VAV3: variants seen among roughly 807,000 people sequenced by gnomAD.
VAV3 encodes the protein guanine nucleotide exchange factor VAV3.
In VAV3, 94 loss-of-function variants were observed where a neutral mutation model predicts 131.2. The ratio of observed to expected loss-of-function variants is 0.72; its 90% confidence interval spans 0.61 to 0.85. The LOEUF (loss-of-function observed/expected upper bound fraction) is 0.85, where lower values mean the gene tolerates loss of function less well. Among genes scored for constraint, VAV3 ranks in the 40% least tolerant of loss-of-function variants. The pLI, the probability that VAV3 is intolerant of heterozygous loss-of-function variation, is 0.00. For missense variants in VAV3, 939 were observed against 1,002.7 expected (o/e 0.94, Z 0.86); for synonymous variants, 349 against 342.0 (o/e 1.02, Z -0.22).
chr1:107,858,349 C>A (rs1373567131), intron 2 of VAV3, among the ~76,000 whole-genome samples: 1 of 151,822 alleles, frequency 6.6e-6, no homozygotes, highest in African/African-American at 2.4e-5. Context: ...AAAACTATTG[C>A]TTTTGAAATT....
intron 1 of VAV3, among the ~76,000 whole-genome samples, chr1:107,947,902 T>C (rs748775281): frequency 1.3e-4 from 20 of 152,170 alleles, no homozygotes; most frequent in Non-Finnish European, 2.6e-4. Flanking sequence ...GACAAACAAA[T>C]GGTCCCTAAT....
rs1250543549 is a variant in VAV3 at position 107,751,145 on chromosome 1, T to C, written c.1231A>G (p.Thr411Ala). Residue 411 changes from threonine to alanine, a missense_variant, in exon 13 of 27, where the codon ACT becomes GCT. Transcript: ENST00000370056. ...TCTTGTTTGGTATGCTTGTCTAGAG[T>C]GGTTATTCGAATTTCACCATCTCCC... ...PQGDGEIRIT[T>A]LDKHTKQERH... 2 of 1,613,224 alleles carry C rather than the reference T, an allele frequency of 1.2e-6. No homozygotes were observed. The highest frequency in any genetic ancestry group is 8.5e-7 in the Non-Finnish European group (1 of 1,179,734).
intron 2 of VAV3, among the ~76,000 whole-genome samples, chr1:107,859,214 G>T (rs1571054427): frequency 6.6e-6 from 1 of 151,730 alleles, no homozygotes; most frequent in East Asian, 1.9e-4. Context: ...GGGACTACTG[G>T]TGCACACCAC....
chr1:107,881,501 A>G (rs574345052), intron 1 of VAV3, among the ~76,000 whole-genome samples: 4 of 152,322 alleles, frequency 2.6e-5, no homozygotes, highest in African/African-American at 9.6e-5. Context: ...ACTCCCAGTA[A>G]TTAGATGCTG....
intron 2 of VAV3, among the ~76,000 whole-genome samples, chr1:107,821,808 G>A (rs987386604): frequency 1.3e-5 from 2 of 152,204 alleles, no homozygotes; most frequent in African/African-American, 2.4e-5. Context: ...TAACCGAAAT[G>A]CAGGTTTCCT....
At chr1:107,789,582 A>G (rs944833300) in intron 2 of VAV3, among the ~76,000 whole-genome samples, 1 of 152,174 alleles carries the variant, frequency 6.6e-6, no homozygotes, top group African/African-American at 2.4e-5. Context: ...ACACTGCTTG[A>G]AAGTGTTCAT....
chr1:107,841,149 A>C (rs1707215477), intron 2 of VAV3, among the ~76,000 whole-genome samples: 2 of 152,180 alleles, frequency 1.3e-5, no homozygotes, highest in Admixed American at 6.5e-5. Context: ...ATATGGTCTT[A>C]AATTCATTCA....
chr1:107,937,769 TGTA>T (rs1673794762), intron 1 of VAV3, among the ~76,000 whole-genome samples: 1 of 152,222 alleles, frequency 6.6e-6, no homozygotes, highest in African/African-American at 2.4e-5. Context: ...GGTTAAGGCT[TGTA>T]GTCCCAATTA....
intron 25 of VAV3, among the ~76,000 whole-genome samples, chr1:107,585,082 A>G (rs1192287624): frequency 1.3e-5 from 2 of 152,220 alleles, no homozygotes; most frequent in African/African-American, 4.8e-5. Flanking sequence ...TGAGAATGCT[A>G]TGATTAGACT....
intron 22 of VAV3, among the ~76,000 whole-genome samples, chr1:107,606,886 G>A (rs1288507786): frequency 7.0e-6 from 1 of 141,954 alleles, no homozygotes; most frequent in Non-Finnish European, 1.5e-5. Flanking sequence ...ACTTAAGAAG[G>A]ATGCATCCAC....
chr1:107,784,719 A>C (rs922386529), intron 2 of VAV3, among the ~76,000 whole-genome samples: 4 of 152,306 alleles, frequency 2.6e-5, no homozygotes, highest in Non-Finnish European at 5.9e-5. Context: ...CCTAGTTCAC[A>C]GACAGGCTCA....
chr1:107,888,949 C>T (rs1160215157), intron 1 of VAV3, among the ~76,000 whole-genome samples: 1 of 152,150 alleles, frequency 6.6e-6, no homozygotes, highest in African/African-American at 2.4e-5. Flanking sequence ...CTACATTTTA[C>T]AATCGGCGGC....
chr1:107,755,562 G>A (rs370301920), intron 11 of VAV3, 49 bp from the exon 12 acceptor site: 19 of 1,317,398 alleles, frequency 1.4e-5, no homozygotes, highest in Non-Finnish European at 2.1e-5. Context: ...TAAGATTAGA[G>A]ATGCAAACTG....
intron 1 of VAV3, among the ~76,000 whole-genome samples, chr1:107,931,710 T>G (rs1329295319): frequency 6.6e-6 from 1 of 152,202 alleles, no homozygotes; most frequent in African/African-American, 2.4e-5. Flanking sequence ...ACCAGAGAAC[T>G]TAAGTGGTCT....
At chr1:107,646,321 C>A (rs1318676370) in intron 19 of VAV3, among the ~76,000 whole-genome samples, 1 of 151,866 alleles carries the variant, frequency 6.6e-6, no homozygotes. Flanking sequence ...AAATACAGAC[C>A]CAACAATTGT....
intron 20 of VAV3, among the ~76,000 whole-genome samples, chr1:107,631,256 A>G (rs1654456805): frequency 6.6e-6 from 1 of 152,012 alleles, no homozygotes; most frequent in Admixed American, 6.6e-5. Flanking sequence ...TATGAGTATT[A>G]CAATTTTATC....
At chr1:107,840,377 C>T (rs1400640799) in intron 2 of VAV3, among the ~76,000 whole-genome samples, 1 of 152,140 alleles carries the variant, frequency 6.6e-6, no homozygotes, top group African/African-American at 2.4e-5. Flanking sequence ...TGATTGGCAC[C>T]ACTTAAAGAC....
intron 1 of VAV3, among the ~76,000 whole-genome samples, chr1:107,925,195 G>A (rs912818936): frequency 6.6e-6 from 1 of 152,084 alleles, no homozygotes; most frequent in African/African-American, 2.4e-5. Flanking sequence ...TAGCGTTGAC[G>A]GTCAAGATAG....
intron 12 of VAV3, among the ~76,000 whole-genome samples, chr1:107,753,538 A>ATATACATATATATATG (rs1557822128): frequency 1.1e-5 from 1 of 93,148 alleles, no homozygotes; most frequent in African/African-American, 3.8e-5. Context: ...GTATATATAT[A>ATATACATATATATATG]TATATATATA....
Sources: gnomAD v4.1 joint callset for allele counts (sites outside exome capture counted in the v4.1 genomes callset) on GRCh38, gnomAD v4.1.1 for gene constraint, MANE v1.5 for transcripts, NCBI Gene and HGNC (gene_info 2026-07-23, HGNC 2026-07-21) for gene names.